The following COMMD1 variants were observed in gnomAD, a reference collection of about 807,000 sequenced individuals.
COMMD1 encodes the protein copper metabolism domain containing 1.
In COMMD1, 10 loss-of-function variants were observed where a neutral mutation model predicts 17.2. The ratio of observed to expected loss-of-function variants is 0.58; its 90% CI spans 0.36 to 0.99. The LOEUF is 0.99. COMMD1 is among the 50% of genes least tolerant of loss of function. The pLI, the probability that COMMD1 is intolerant of heterozygous loss-of-function variation, is 0.01. For missense variants in COMMD1, 270 were observed against 231.8 expected (o/e 1.17, Z -1.07); for synonymous variants, 97 against 91.6 (o/e 1.06, Z -0.34).
intron 2 of COMMD1, among the ~76,000 whole-genome samples, chr2:62,106,713 G>A (rs990659403): frequency 1.1e-4 from 17 of 152,172 alleles, no homozygotes; most frequent in African/African-American, 4.1e-4. Context: ...AACAGAGGTC[G>A]CATAGAATTT....
intron 1 of COMMD1, among the ~76,000 whole-genome samples, chr2:61,941,730 C>G (rs1164313944): frequency 6.6e-6 from 1 of 152,132 alleles, no homozygotes; most frequent in African/African-American, 2.4e-5. Context: ...GCTTTGGGTC[C>G]TGCATTAACC....
intron 2 of COMMD1, among the ~76,000 whole-genome samples, chr2:62,128,959 A>C (rs2104095427): frequency 6.6e-6 from 1 of 152,222 alleles, no homozygotes; most frequent in South Asian, 2.1e-4. Context: ...CTAAAAAAAA[A>C]AAAAAAAAAA....
intron 2 of COMMD1, among the ~76,000 whole-genome samples, chr2:62,011,652 A>G (rs562524256): frequency 6.6e-6 from 1 of 152,324 alleles, no homozygotes; most frequent in East Asian, 1.9e-4. Flanking sequence ...AGGATGTATC[A>G]GTGAACAATA....
intron 1 of COMMD1, among the ~76,000 whole-genome samples, chr2:61,961,283 TTG>T (rs898271887): frequency 1.3e-5 from 2 of 152,194 alleles, no homozygotes; most frequent in Non-Finnish European, 2.9e-5. Context: ...CCAGTTTCCA[TTG>T]GCTGGAATAG....
At chr2:61,897,330 TTCCTTATGAAGGC>T (rs1472775794) in intron 1 of COMMD1, among the ~76,000 whole-genome samples, 1 of 152,182 alleles carries the variant, frequency 6.6e-6, no homozygotes, top group Non-Finnish European at 1.5e-5. Flanking sequence ...TTTGGGTCAT[TTCCTTATGAAGGC>T]TCCTGTGTCA....
At chr2:62,009,601 CAAAA>C (rs548120221) in intron 2 of COMMD1, among the ~76,000 whole-genome samples, 2 of 72,946 alleles carry the variant, frequency 2.7e-5, no homozygotes, top group Non-Finnish European at 3.0e-5. Context: ...GAGACTGTCT[CAAAA>C]AAAAAAAAAA....
chr2:62,063,898 T>TATATATATATATA (rs1438732823), intron 2 of COMMD1, among the ~76,000 whole-genome samples: 155 of 126,154 alleles, frequency 1.2e-3, no homozygotes, highest in Non-Finnish European at 1.5e-3. Flanking sequence ...TATATATATA[T>TATATATATATATA]TAGCCAGGCA....
At chr2:62,126,637 T>C (rs1672895239) in intron 2 of COMMD1, among the ~76,000 whole-genome samples, 1 of 152,206 alleles carries the variant, frequency 6.6e-6, no homozygotes, top group Non-Finnish European at 1.5e-5. Flanking sequence ...TTTAAGTTCC[T>C]TGTAGATTCT....
At chr2:62,072,714 CTG>C (rs1671231018) in intron 2 of COMMD1, among the ~76,000 whole-genome samples, 1 of 152,130 alleles carries the variant, frequency 6.6e-6, no homozygotes, top group South Asian at 2.1e-4. Flanking sequence ...GCTGGCATCT[CTG>C]AGTTTTCGGG....
intron 1 of COMMD1, among the ~76,000 whole-genome samples, chr2:61,926,945 G>A (rs183594384): frequency 1.8e-4 from 28 of 152,192 alleles, no homozygotes; most frequent in South Asian, 1.0e-3. Flanking sequence ...CTATTGAGAC[G>A]TGCCTCAGTC....
chr2:62,112,585 T>G lies in COMMD1; in HGVS notation c.463-23246T>G, dbSNP rs1024628516. ...TAGGAAGAAGGACTAAACAAACATTTATTGAGAGTCTGTTTCATACCTGAC... is the reference window on the plus strand; with the variant it reads ...TAGGAAGAAGGACTAAACAAACATTGATTGAGAGTCTGTTTCATACCTGAC... On this transcript the variant is annotated intron_variant, in intron 2 of 2. Coordinates refer to ENST00000311832, the MANE Select transcript of COMMD1 (RefSeq NM_152516.4). Among the ~76,000 whole-genome samples the G allele has an allele frequency of 4.6e-5, 7 of 152,234 alleles. 1 individual carries two copies. The South Asian group carries it at 1.4e-3, about 31-fold the overall frequency.
intron 2 of COMMD1, among the ~76,000 whole-genome samples, chr2:62,074,476 C>T (rs147715341): frequency 2.0e-5 from 3 of 152,184 alleles, no homozygotes; most frequent in Non-Finnish European, 2.9e-5. Context: ...CAAACACACT[C>T]GTGGTCACTT....
rs1670947199 is a variant in COMMD1, at chr2:62,063,868, A to AT, written c.462+62886_462+62887insT. ...CAACATAGTGACACTGTCTCTACAA[A>AT]ATATATATATATATATATATATATA... is the stretch of plus-strand genomic sequence containing the variant. On this transcript the variant is annotated intron_variant, in intron 2 of 2. Transcript: ENST00000311832. Among the ~76,000 whole-genome samples the AT allele has an allele frequency of 3.9e-3, 318 of 81,176 alleles. 8 individuals are homozygous for AT. Among genetic ancestry groups the AT allele is most frequent in the African/African-American group, 0.014 (292 of 20,472 alleles). The allele number at this position is 81,176 out of a possible 152,430, so 53.3% of individuals were successfully genotyped here. A position where few individuals can be genotyped will look rare whatever the true frequency, so the allele number is the denominator to read the frequency against.
At chr2:61,959,379 GAA>G (rs1418982137) in intron 1 of COMMD1, among the ~76,000 whole-genome samples, 1 of 152,130 alleles carries the variant, frequency 6.6e-6, no homozygotes, top group East Asian at 1.9e-4. Context: ...ACTGGAGAAA[GAA>G]AATTTTTATT....
chr2:61,947,705 T>A (rs1489666899), intron 1 of COMMD1, among the ~76,000 whole-genome samples: 2 of 150,454 alleles, frequency 1.3e-5, no homozygotes, highest in Non-Finnish European at 2.9e-5. Context: ...CAAAAAAAAT[T>A]TTTTTTTGTA....
At chr2:62,086,165 G>C (rs1462122638) in intron 2 of COMMD1, among the ~76,000 whole-genome samples, 1 of 152,020 alleles carries the variant, frequency 6.6e-6, no homozygotes, top group Non-Finnish European at 1.5e-5. Flanking sequence ...CTGGGATACA[G>C]AGCAAGATTC....
intron 2 of COMMD1, among the ~76,000 whole-genome samples, chr2:62,107,831 C>T (rs1030514028): frequency 2.6e-5 from 4 of 152,098 alleles, no homozygotes; most frequent in African/African-American, 9.7e-5. Flanking sequence ...TAACATATAA[C>T]CCTTGACAAG....
intron 2 of COMMD1, among the ~76,000 whole-genome samples, chr2:62,108,798 A>C (rs1477579586): frequency 3.3e-5 from 5 of 152,208 alleles, no homozygotes; most frequent in Admixed American, 3.3e-4. Context: ...CATTTATAGT[A>C]GACCTAGATA....
At chr2:62,108,819 T>C (rs894052312) in intron 2 of COMMD1, among the ~76,000 whole-genome samples, 2 of 152,218 alleles carry the variant, frequency 1.3e-5, no homozygotes, top group African/African-American at 4.8e-5. Flanking sequence ...ACTGTAAGCA[T>C]TGTGCAAATA....
Sources: allele counts gnomAD v4.1 joint callset (sites outside exome capture counted in the v4.1 genomes callset), GRCh38; gene constraint gnomAD v4.1.1; transcripts MANE v1.5; gene names NCBI Gene and HGNC (gene_info 2026-07-23, HGNC 2026-07-21).